Variants in LRCH1 observed in about 807,000 individuals in gnomAD.
LRCH1 encodes the protein leucine-rich repeat and calponin homology domain-containing protein 1.
A neutral mutation model predicts 94.9 loss-of-function variants in LRCH1; 23 were observed. That is an observed-to-expected ratio of 0.24 (90% CI 0.17 to 0.34). The LOEUF (loss-of-function observed/expected upper bound fraction) is 0.34. Among genes scored for constraint, LRCH1 ranks in the 10% least tolerant of loss-of-function variants. LRCH1 has a pLI of 1.00. For missense variants in LRCH1, 790 were observed against 945.9 expected, an observed-to-expected ratio of 0.84 and a Z score of 2.16; for synonymous variants, 364 against 354.9, an observed-to-expected ratio of 1.03 and a Z score of -0.29.
At chr13:46,706,300 G>A (rs778307873) in intron 13 of LRCH1, among the ~76,000 whole-genome samples, 19 of 152,132 alleles carry the variant, frequency 1.2e-4, no homozygotes, top group Non-Finnish European at 2.2e-4. Context: ...TGTAAAGATC[G>A]AATTAGGAAT....
chr13:46,692,768 T>A, intron 8 of LRCH1, 127 bp downstream of exon 8: 1 of 659,824 alleles, frequency 1.5e-6, no homozygotes, highest in Non-Finnish European at 2.5e-6. Flanking sequence ...AGGTACTGTG[T>A]TCTTCTGGGA....
In LRCH1 at chr13:46,553,469, C is replaced by T. The variant is rs1594238268; in HGVS notation, c.73C>T (p.His25Tyr). 6.5e-7 allele frequency: 1 copy of T among 1,549,214 alleles called. No homozygotes were observed. The highest frequency in any genetic ancestry group is 2.5e-5 in the East Asian group (1 of 40,772). Residue 25 changes from histidine to tyrosine, a missense_variant, in exon 1 of 20, where the codon CAT becomes TAT. By Grantham distance (83) the His-to-Tyr change is moderately conservative. Around this residue, in one of 3 missense-constraint regions of LRCH1, gnomAD observed 136 missense variants for 143.5 expected, o/e 0.95. Coordinates refer to ENST00000389797, the MANE Select transcript of LRCH1 (RefSeq NM_001164211.2). ...LSVATLHPLH[H>Y]PHHHHHHHQH... is the part of the protein sequence containing the mutation. The stretch of plus-strand genomic sequence containing the variant: ...GGTAGCTACTCTGCACCCACTTCAT[C>T]ATCCCCACCACCACCACCACCACCA...
chr13:46,735,646 A>G (rs1873331024), intron 19 of LRCH1, among the ~76,000 whole-genome samples: 1 of 152,206 alleles, frequency 6.6e-6, no homozygotes, highest in Non-Finnish European at 1.5e-5. Flanking sequence ...GTAATGTACA[A>G]TTTATAATTC....
intron 1 of LRCH1, among the ~76,000 whole-genome samples, chr13:46,647,862 C>T (rs1477909743): frequency 6.9e-6 from 1 of 145,656 alleles, no homozygotes; most frequent in African/African-American, 2.6e-5. Flanking sequence ...TGTGTCTTTT[C>T]CCTGTTGATT....
intron 1 of LRCH1, among the ~76,000 whole-genome samples, chr13:46,561,650 CT>C (rs1231347428): frequency 6.6e-6 from 1 of 152,202 alleles, no homozygotes; most frequent in African/African-American, 2.4e-5. Context: ...GATTTAACTA[CT>C]TTATCTCTGC....
rs866219793 is a variant in LRCH1, at chr13:46,731,910, G to T, written c.2008-2011G>T. Reference sequence around the variant, plus strand: ...AACCATTCTCAACGCCTTAGGACAGGGTTTCTTCCTTTGTTCATTTTCCGT... The same window carrying T: ...AACCATTCTCAACGCCTTAGGACAGTGTTTCTTCCTTTGTTCATTTTCCGT... On this transcript the variant is annotated intron_variant, in intron 18 of 19. Coordinates refer to ENST00000389797, the MANE Select transcript of LRCH1 (RefSeq NM_001164211.2). Among the ~76,000 whole-genome samples, 13 of 152,178 alleles carry T rather than the reference G, an allele frequency of 8.5e-5. No individual in the cohort carries two copies. The Middle Eastern group carries it at 0.01, about 119-fold the overall frequency.
At position 46,692,586 on chromosome 13, in the gene LRCH1, GGAA is replaced by G; in HGVS notation, c.1072_1074del (p.Glu358del). 6.2e-7 allele frequency: 1 copy of G among 1,614,046 alleles called. No homozygotes were observed. The highest frequency in any genetic ancestry group is 8.5e-7 in the Non-Finnish European group (1 of 1,179,946). Reference sequence around the variant, plus strand: ...TCAATGTGCCAATGTCAAACATCATGGAAGAAGAACAGATCATCAAGGAGGACT... The same window carrying G: ...TCAATGTGCCAATGTCAAACATCATGGAAGAACAGATCATCAAGGAGGACT... On this transcript the variant is annotated inframe_deletion, in exon 8 of 20. Coordinates refer to ENST00000389797, the MANE Select transcript of LRCH1 (RefSeq NM_001164211.2).
At chr13:46,593,123 A>G (rs1415656767) in intron 1 of LRCH1, among the ~76,000 whole-genome samples, 1 of 151,836 alleles carries the variant, frequency 6.6e-6, no homozygotes, top group East Asian at 1.9e-4. Flanking sequence ...TTGAAACCCT[A>G]TGGAAGTGTA....
intron 1 of LRCH1, among the ~76,000 whole-genome samples, chr13:46,568,739 G>A (rs2050211553): frequency 6.6e-6 from 1 of 152,204 alleles, no homozygotes; most frequent in Admixed American, 6.5e-5. Context: ...AAGGGGTGCA[G>A]AGAGGATGGA....
intron 18 of LRCH1, 78 bp from the exon 19 acceptor site, chr13:46,733,843 G>T: frequency 1.2e-6 from 1 of 815,246 alleles, no homozygotes; most frequent in Non-Finnish European, 1.9e-6. Flanking sequence ...TGCCATTTGG[G>T]AAGTTTAAAA....
intron 1 of LRCH1, among the ~76,000 whole-genome samples, chr13:46,575,585 C>G (rs1193210250): frequency 6.6e-6 from 1 of 150,824 alleles, no homozygotes; most frequent in African/African-American, 2.4e-5. Context: ...TGCAAAAATC[C>G]TCCAGAAGGG....
chr13:46,649,929 G>A (rs2051270968), intron 1 of LRCH1, among the ~76,000 whole-genome samples: 1 of 151,952 alleles, frequency 6.6e-6, no homozygotes, highest in Non-Finnish European at 1.5e-5. Context: ...AGAATGAGTT[G>A]GACATAATTT....
chr13:46,599,171 A>G (rs2050599369), intron 1 of LRCH1, among the ~76,000 whole-genome samples: 1 of 152,318 alleles, frequency 6.6e-6, no homozygotes, highest in South Asian at 2.1e-4. Flanking sequence ...AGGTGTCAGA[A>G]TTTCCTTCCT....
At chr13:46,564,767 G>A (rs528559437) in intron 1 of LRCH1, among the ~76,000 whole-genome samples, 1 of 152,314 alleles carries the variant, frequency 6.6e-6, no homozygotes, top group Middle Eastern at 3.4e-3. Flanking sequence ...TGAACATCAG[G>A]TTTGTAATTT....
At position 46,605,507 on chromosome 13, in the gene LRCH1, A is replaced by ACTC. The variant is rs372999128; in HGVS notation, c.308-44667_308-44665dup. Among the ~76,000 whole-genome samples, 1,421 of 146,876 alleles carry ACTC rather than the reference A, an allele frequency of 9.7e-3. 24 individuals carry two copies. The highest frequency in any genetic ancestry group is 8.4e-3 in the Non-Finnish European group (560 of 66,388). ...CAGTATATGTGCTGAAGATGAGGGC[A>ACTC]CTCCTCCTCCTCCTCCTCCTCCTCC... On this transcript the variant is annotated intron_variant, in intron 1 of 19. Coordinates refer to ENST00000389797, the MANE Select transcript of LRCH1 (RefSeq NM_001164211.2).
At chr13:46,681,653 T>C in intron 3 of LRCH1, 88 bp from the exon 4 acceptor site, 1 of 893,086 alleles carries the variant, frequency 1.1e-6, no homozygotes, top group Non-Finnish European at 1.9e-6. Context: ...GTTGTCCAAA[T>C]ATTTAAATTC....
At chr13:46,725,327 T>C (rs1872759317) in intron 17 of LRCH1, among the ~76,000 whole-genome samples, 1 of 152,198 alleles carries the variant, frequency 6.6e-6, no homozygotes, top group African/African-American at 2.4e-5. Flanking sequence ...AACAAACCTG[T>C]ACATGTACCC....
At chr13:46,586,146 C>G (rs1411862364) in intron 1 of LRCH1, among the ~76,000 whole-genome samples, 1 of 152,142 alleles carries the variant, frequency 6.6e-6, no homozygotes, top group Non-Finnish European at 1.5e-5. Flanking sequence ...AGTCTAGCAT[C>G]TAGAAAAAGC....
chr13:46,612,037 C>A (rs2050753473), intron 1 of LRCH1, among the ~76,000 whole-genome samples: 1 of 152,116 alleles, frequency 6.6e-6, no homozygotes, highest in Non-Finnish European at 1.5e-5. Context: ...CTTAAGGGGA[C>A]CTCATTTTTT....
Sources: allele counts gnomAD v4.1 joint callset (sites outside exome capture counted in the v4.1 genomes callset), GRCh38; gene constraint gnomAD v4.1.1; regional missense constraint gnomAD v4.1.1; transcripts MANE v1.5; gene names NCBI Gene and HGNC (gene_info 2026-07-23, HGNC 2026-07-21).